Variants in NFIA observed in about 807,000 individuals in gnomAD.
The protein encoded by NFIA is nuclear factor 1 A-type.
Under a neutral mutation model 62.8 loss-of-function variants are expected in NFIA, and 8 were observed. The observed-to-expected ratio is 0.13, with a 90% confidence interval of 0.07 to 0.23. NFIA has a LOEUF of 0.23. Ranked by LOEUF, NFIA falls within the 10% of genes least tolerant of loss-of-function variation. The probability of loss-of-function intolerance (pLI) is 1.00; values close to 1 mark genes in which losing one functional copy is unlikely to be tolerated. For synonymous variants in NFIA, 235 were observed against 238.1 expected, an observed-to-expected ratio of 0.99 and a Z score of 0.12; for missense variants, 410 against 642.1, an observed-to-expected ratio of 0.64 and a Z score of 3.91.
rs112114687 is a variant in NFIA, at chr1:61,234,168, G to C, written c.560-43352G>C. Among the ~76,000 whole-genome samples the C allele has an allele frequency of 8.2e-3, 1,251 of 152,036 alleles. 23 individuals carry two copies. Among genetic ancestry groups the C allele is most frequent in the African/African-American group, 0.028 (1,178 of 41,480 alleles). On this transcript the variant is annotated intron_variant, in intron 2 of 10. Transcript: ENST00000403491. ...GGATCACCTGAGGTCGGGAGTTTGC[G>C]ACCAGCCTGACCCACATGGAGAAAC...
chr1:61,349,572 A>G lies in NFIA; in HGVS notation c.701-2878A>G, dbSNP rs116607381. Among the ~76,000 whole-genome samples the G allele has an allele frequency of 6.4e-3, 972 of 151,408 alleles. 4 individuals are homozygous for G. Among genetic ancestry groups the G allele is most frequent in the Middle Eastern group, 0.024 (7 of 290 alleles). The stretch of plus-strand genomic sequence containing the variant: ...CAGCATGTCTTCTTTTTATTTATTT[A>G]TTTTCCAAGATTTTTATTCGAGATG... On this transcript the variant is annotated intron_variant, in intron 4 of 10. Transcript: ENST00000403491.
intron 2 of NFIA, among the ~76,000 whole-genome samples, chr1:61,249,411 G>A (rs1655867256): frequency 6.6e-6 from 1 of 152,216 alleles, no homozygotes; most frequent in Non-Finnish European, 1.5e-5. Context: ...CGTTTTTTAA[G>A]TGTCTTCTTT....
Position 61,095,108 on chromosome 1 carries a change from CTG to C in NFIA, c.559+6430_559+6431del, listed in dbSNP as rs1381658456. On this transcript the variant is annotated intron_variant, in intron 2 of 10. Coordinates refer to ENST00000403491, the MANE Select transcript of NFIA (RefSeq NM_001134673.4). ...ATAACTAGAGATTGAAGTGGAATAA[CTG>C]TAATGTTCTTTGAGAACTTTAAACT... 3.9e-5 allele frequency among the ~76,000 whole-genome samples: 6 copies of C among 152,166 alleles called. No homozygotes were observed. The East Asian group carries it at 1.2e-3, about 29-fold the overall frequency.
chr1:61,368,573 C>G (rs1005190252), intron 6 of NFIA, among the ~76,000 whole-genome samples: 1 of 152,190 alleles, frequency 6.6e-6, no homozygotes, highest in Non-Finnish European at 1.5e-5. Flanking sequence ...AACAGCCTTG[C>G]CTTCCTAACT....
chr1:61,305,107 G>A (rs1022828034), intron 3 of NFIA, among the ~76,000 whole-genome samples: 1 of 152,138 alleles, frequency 6.6e-6, no homozygotes, highest in Non-Finnish European at 1.5e-5. Context: ...AGGAGAAAAC[G>A]GTGGAAATGC....
In NFIA at chr1:61,382,636, T is replaced by C. The variant is rs557110323; in HGVS notation, c.947-601T>C. 3.3e-5 allele frequency among the ~76,000 whole-genome samples: 5 copies of C among 152,332 alleles called. No individual in the cohort carries two copies. The South Asian group carries it at 1.0e-3, about 32-fold the overall frequency. ...ATGTTTTGCCACATCATTACTCTTT[T>C]ACAGTATTGCTTACATTGGTTATAC... On this transcript the variant is annotated intron_variant, in intron 6 of 10. Coordinates refer to ENST00000403491, the MANE Select transcript of NFIA (RefSeq NM_001134673.4).
At chr1:61,392,534 A>G in intron 7 of NFIA, among the ~76,000 whole-genome samples, 1 of 152,098 alleles carries the variant, frequency 6.6e-6, no homozygotes, top group Non-Finnish European at 1.5e-5. Context: ...ACCCTCATAA[A>G]GAGCCATGGC....
intron 2 of NFIA, among the ~76,000 whole-genome samples, chr1:61,238,885 C>T (rs142256767): frequency 1.2e-3 from 181 of 152,180 alleles, no homozygotes; most frequent in Admixed American, 4.0e-3. Flanking sequence ...TTTATTCCCA[C>T]GATAGCCTTT....
At chr1:61,231,872 C>A (rs114247537) in intron 2 of NFIA, among the ~76,000 whole-genome samples, 3,331 of 148,808 alleles carry the variant, frequency 0.022, 117 homozygotes, top group African/African-American at 0.077. Flanking sequence ...ACAACAACAA[C>A]AAAAAAAAAC....
chr1:61,097,588 G>A (rs916715439), intron 2 of NFIA, among the ~76,000 whole-genome samples: 1 of 152,048 alleles, frequency 6.6e-6, no homozygotes, highest in African/African-American at 2.4e-5. Context: ...GTAGGGAAAG[G>A]TATTTGTCAG....
intron 9 of NFIA, among the ~76,000 whole-genome samples, chr1:61,423,203 G>T (rs1666714499): frequency 6.6e-6 from 1 of 151,478 alleles, no homozygotes; most frequent in Non-Finnish European, 1.5e-5. Flanking sequence ...TTAGGAAAAT[G>T]GTTCATAGCG....
chr1:61,393,236 G>T (rs12725548), intron 7 of NFIA, among the ~76,000 whole-genome samples: 3 of 22,634 alleles, frequency 1.3e-4, no homozygotes, highest in Admixed American at 6.3e-4. Context: ...CTTCTGCCTC[G>T]CCCTCTCCCT....
chr1:61,214,887 G>A (rs1653510759), intron 2 of NFIA, among the ~76,000 whole-genome samples: 1 of 152,156 alleles, frequency 6.6e-6, no homozygotes, highest in Admixed American at 6.5e-5. Context: ...TGTGAAACAG[G>A]TCTTGGCTCC....
chr1:61,176,721 T>A (rs1028006633), intron 2 of NFIA, among the ~76,000 whole-genome samples: 19 of 152,300 alleles, frequency 1.2e-4, no homozygotes, highest in African/African-American at 3.8e-4. Context: ...GGATATTCTT[T>A]AAAAATTTTT....
chr1:61,106,505 A>G (rs1037935151), intron 2 of NFIA, among the ~76,000 whole-genome samples: 1 of 151,852 alleles, frequency 6.6e-6, no homozygotes, highest in Non-Finnish European at 1.5e-5. Flanking sequence ...AAATTTGATT[A>G]TTATTGTATT....
chr1:61,184,233 G>A (rs756481065), intron 2 of NFIA, among the ~76,000 whole-genome samples: 1 of 152,116 alleles, frequency 6.6e-6, no homozygotes, highest in Non-Finnish European at 1.5e-5. Flanking sequence ...GTGGGTTCAG[G>A]CCGCCATTTT....
chr1:61,432,804 C>T (rs988255804), intron 10 of NFIA, among the ~76,000 whole-genome samples: 1 of 152,004 alleles, frequency 6.6e-6, no homozygotes, highest in African/African-American at 2.4e-5. Context: ...GATAAAATTC[C>T]ACTTTCTCCT....
At chr1:61,452,364 A>G (rs765018769) in intron 10 of NFIA, among the ~76,000 whole-genome samples, 1 of 152,162 alleles carries the variant, frequency 6.6e-6, no homozygotes, top group Non-Finnish European at 1.5e-5. Context: ...TCCCCTAACC[A>G]ACTTCCTGTT....
In NFIA at chr1:61,456,886, C is replaced by T. The variant is rs1668332307; in HGVS notation, c.*1566C>T. 1 of 151,388 alleles carries T rather than the reference C, an allele frequency of 6.6e-6. No homozygotes were observed. Among genetic ancestry groups the T allele is most frequent in the Non-Finnish European group, 1.5e-5 (1 of 67,894 alleles). The allele number at this position is 151,388 out of a possible 1,614,324, so 9.4% of individuals were successfully genotyped here. A position where few individuals can be genotyped will look rare whatever the true frequency, so the allele number is the denominator to read the frequency against. ...AAGTGCAAGTGATTTTTCTACCAGA[C>T]AGCGAAGCACCCCTTTGCTTCCCAT... On this transcript the variant is annotated 3_prime_UTR_variant, in exon 11 of 11. Coordinates refer to ENST00000403491, the MANE Select transcript of NFIA (RefSeq NM_001134673.4).
Sources: gnomAD v4.1 joint callset for allele counts (sites outside exome capture counted in the v4.1 genomes callset) on GRCh38, gnomAD v4.1.1 for gene constraint, MANE v1.5 for transcripts, NCBI Gene and HGNC (gene_info 2026-07-23, HGNC 2026-07-21) for gene names.